NEGR1: variants seen among roughly 807,000 people sequenced by gnomAD.
NEGR1 encodes the protein IgLON family member 4.
Under a neutral mutation model 40.9 loss-of-function variants are expected in NEGR1, and 10 were observed. That is an observed-to-expected ratio of 0.24 (90% CI 0.15 to 0.42). The LOEUF (loss-of-function observed/expected upper bound fraction) is 0.42, where lower values mean the gene tolerates loss of function less well. Among genes scored for constraint, NEGR1 ranks in the 10% least tolerant of loss-of-function variants. The pLI is 1.00. For synonymous variants in NEGR1, 185 were observed against 166.8 expected, an observed-to-expected ratio of 1.11 and a Z score of -0.84; for missense variants, 352 against 438.9, an observed-to-expected ratio of 0.80 and a Z score of 1.77.
At chr1:72,046,082 A>T (rs937814680) in intron 1 of NEGR1, among the ~76,000 whole-genome samples, 1 of 151,776 alleles carries the variant, frequency 6.6e-6, no homozygotes, top group African/African-American at 2.4e-5. Context: ...CCAAAAAAGG[A>T]AGACTAATGA....
intron 6 of NEGR1, among the ~76,000 whole-genome samples, chr1:71,577,916 T>A (rs1366092992): frequency 6.6e-6 from 1 of 152,116 alleles, no homozygotes; most frequent in East Asian, 1.9e-4. Context: ...GAGCTATTTT[T>A]TTTCCCAGTA....
intron 1 of NEGR1, among the ~76,000 whole-genome samples, chr1:71,985,205 A>G (rs1240123366): frequency 6.6e-6 from 1 of 152,194 alleles, no homozygotes. Flanking sequence ...CAAAATCATA[A>G]TCATAAATAA....
At chr1:71,547,155 T>C (rs1647925897) in intron 6 of NEGR1, among the ~76,000 whole-genome samples, 1 of 151,752 alleles carries the variant, frequency 6.6e-6, no homozygotes, top group Admixed American at 6.6e-5. Context: ...TGTTTCCATA[T>C]AGCTAAAGTA....
chr1:71,897,500 C>A (rs1392308464), intron 2 of NEGR1, among the ~76,000 whole-genome samples: 1 of 152,152 alleles, frequency 6.6e-6, no homozygotes, highest in African/African-American at 2.4e-5. Context: ...ATATTTATAA[C>A]CCTAGTTTGA....
intron 1 of NEGR1, among the ~76,000 whole-genome samples, chr1:72,123,907 C>T (rs1649903665): frequency 6.6e-6 from 1 of 151,900 alleles, no homozygotes; most frequent in Non-Finnish European, 1.5e-5. Flanking sequence ...CAACTGTTGG[C>T]CTGGGGGATG....
intron 2 of NEGR1, among the ~76,000 whole-genome samples, chr1:71,828,040 T>G (rs1658702557): frequency 6.6e-6 from 1 of 152,002 alleles, no homozygotes; most frequent in African/African-American, 2.4e-5. Context: ...CAGCATTTGC[T>G]TTTAAAGCCA....
chr1:71,673,857 T>A (rs551715751), intron 4 of NEGR1, among the ~76,000 whole-genome samples: 18 of 152,242 alleles, frequency 1.2e-4, no homozygotes, highest in Admixed American at 3.3e-4. Flanking sequence ...CTAAACACAG[T>A]TCTATGGAGC....
intron 1 of NEGR1, among the ~76,000 whole-genome samples, chr1:72,114,921 C>G (rs1275322044): frequency 2.0e-5 from 3 of 151,668 alleles, no homozygotes; most frequent in African/African-American, 7.3e-5. Flanking sequence ...AAAAGTTTGT[C>G]TTTTTGAACA....
In NEGR1 at chr1:71,675,792, T is replaced by G. The variant is rs986812294; in HGVS notation, c.667+22216A>C. 9.7e-4 allele frequency among the ~76,000 whole-genome samples: 5 copies of G among 5,152 alleles called. No homozygotes were observed. The Admixed American group carries it at 0.013, about 13-fold the overall frequency. The allele number at this position is 5,152 out of a possible 152,430, so 3.4% of individuals were successfully genotyped here. A position where few individuals can be genotyped will look rare whatever the true frequency, so the allele number is the denominator to read the frequency against. On this transcript the variant is annotated intron_variant, in intron 4 of 6. Coordinates refer to ENST00000357731, the MANE Select transcript of NEGR1 (RefSeq NM_173808.3). ...TTGGTTTTTGTTGTTGTTGTTTGTT[T>G]TTTGTTTTTTGTTTTTTTTTTCCTT...
At chr1:71,845,731 C>T (rs995207455) in intron 2 of NEGR1, among the ~76,000 whole-genome samples, 1 of 151,350 alleles carries the variant, frequency 6.6e-6, no homozygotes, top group Admixed American at 6.6e-5. Context: ...ATCTATCTAT[C>T]TATCTACCTA....
intron 6 of NEGR1, among the ~76,000 whole-genome samples, chr1:71,557,308 C>A (rs1313144877): frequency 1.3e-5 from 2 of 151,564 alleles, no homozygotes; most frequent in Non-Finnish European, 3.0e-5. Flanking sequence ...GGGCTTGGAA[C>A]TGGTAATACT....
intron 1 of NEGR1, among the ~76,000 whole-genome samples, chr1:72,129,087 T>C (rs78132694): frequency 6.6e-6 from 1 of 152,190 alleles, no homozygotes; most frequent in Admixed American, 6.5e-5. Flanking sequence ...TTCCTAGGTT[T>C]CCGGCTCACA....
At chr1:72,095,121 T>A (rs1648648232) in intron 1 of NEGR1, among the ~76,000 whole-genome samples, 1 of 152,154 alleles carries the variant, frequency 6.6e-6, no homozygotes, top group South Asian at 2.1e-4. Context: ...CCTAATTTTT[T>A]AACCTTGGCT....
chr1:71,788,486 A>G (rs527717981), intron 2 of NEGR1, among the ~76,000 whole-genome samples: 27 of 152,322 alleles, frequency 1.8e-4, no homozygotes, highest in African/African-American at 6.3e-4. Flanking sequence ...TTAGAAAAAA[A>G]TGCAGTCTCT....
At chr1:71,918,855 A>T (rs913668516) in intron 2 of NEGR1, among the ~76,000 whole-genome samples, 2 of 152,246 alleles carry the variant, frequency 1.3e-5, no homozygotes, top group Non-Finnish European at 2.9e-5. Flanking sequence ...ATAACCAGCA[A>T]AGTTAGAAGG....
At chr1:71,626,726 T>A (rs991422421) in intron 4 of NEGR1, among the ~76,000 whole-genome samples, 7 of 151,564 alleles carry the variant, frequency 4.6e-5, no homozygotes, top group African/African-American at 9.7e-5. Flanking sequence ...TGGGAGAAAA[T>A]TTTTGCAATC....
intron 2 of NEGR1, among the ~76,000 whole-genome samples, chr1:71,785,524 C>G (rs1332264999): frequency 2.0e-5 from 3 of 152,062 alleles, no homozygotes; most frequent in Admixed American, 2.0e-4. Flanking sequence ...AATGATTCCC[C>G]TTCCAGGAAT....
At position 71,717,084 on chromosome 1, in the gene NEGR1, A is replaced by G. The variant is rs781087279; in HGVS notation, c.536-18945T>C. Reference sequence around the variant, plus strand: ...CTGTTCTGACCAGGTTGAATTCATTACTAGCAATGTATTATTTACTGTCTC... The same window carrying G: ...CTGTTCTGACCAGGTTGAATTCATTGCTAGCAATGTATTATTTACTGTCTC... On this transcript the variant is annotated intron_variant, in intron 3 of 6. Transcript: ENST00000357731. Among the ~76,000 whole-genome samples the G allele has an allele frequency of 1.1e-3, 161 of 152,320 alleles. 1 individual carries two copies. Among genetic ancestry groups the G allele is most frequent in the Non-Finnish European group, 1.6e-3 (107 of 68,032 alleles).
intron 1 of NEGR1, among the ~76,000 whole-genome samples, chr1:71,963,609 A>C (rs1031778597): frequency 9.2e-5 from 14 of 152,166 alleles, no homozygotes; most frequent in Non-Finnish European, 2.1e-4. Context: ...GCTCATGGGA[A>C]TATTTTTATA....
Sources: allele counts gnomAD v4.1 joint callset (sites outside exome capture counted in the v4.1 genomes callset), GRCh38; gene constraint gnomAD v4.1.1; transcripts MANE v1.5; gene names NCBI Gene and HGNC (gene_info 2026-07-23, HGNC 2026-07-21).